Variants in PDZRN4 observed in about 807,000 individuals in gnomAD.
PDZRN4 encodes PDZ domain containing ring finger 4.
In PDZRN4, 70 loss-of-function variants were observed where a neutral mutation model predicts 99.0. The ratio of observed to expected loss-of-function variants is 0.71; its 90% CI spans 0.58 to 0.86. The LOEUF (loss-of-function observed/expected upper bound fraction) is 0.86, where lower values mean the gene tolerates loss of function less well. PDZRN4 is among the 40% of genes least tolerant of loss of function. The probability of loss-of-function intolerance (pLI) is 0.00; values close to 1 mark genes in which losing one functional copy is unlikely to be tolerated. For synonymous variants in PDZRN4, 551 were observed against 501.6 expected (o/e 1.10, Z -1.32); for missense variants, 1,474 against 1,331.2 (o/e 1.11, Z -1.67).
intron 3 of PDZRN4, among the ~76,000 whole-genome samples, chr12:41,230,942 T>C (rs1169316369): frequency 1.3e-5 from 2 of 152,114 alleles, no homozygotes; most frequent in African/African-American, 4.8e-5. Context: ...ATACTCTTTG[T>C]TTTGTCTCTG....
At chr12:41,569,340 G>A (rs546302262) in intron 9 of PDZRN4, among the ~76,000 whole-genome samples, 9 of 151,984 alleles carry the variant, frequency 5.9e-5, no homozygotes, top group Non-Finnish European at 5.9e-5. Context: ...GGCTGTTCTC[G>A]AACTCCTGAC....
chr12:41,270,737 G>A (rs1591992112), intron 3 of PDZRN4, among the ~76,000 whole-genome samples: 2 of 152,070 alleles, frequency 1.3e-5, no homozygotes. Context: ...TGGAAGAAAT[G>A]ATGCAGATTA....
rs966853783 is a variant in PDZRN4, at chr12:41,303,217, C to G, written c.843+109029C>G. ...TTTTTATAATGTTGTCAGTGTTGGC[C>G]AGTAAATCAGTAAAACCACCAGTCA... On this transcript the variant is annotated intron_variant, in intron 3 of 9. Coordinates refer to ENST00000402685, the MANE Select transcript of PDZRN4 (RefSeq NM_001164595.2). 2.6e-5 allele frequency among the ~76,000 whole-genome samples: 4 copies of G among 152,062 alleles called. No individual in the cohort carries two copies. In the South Asian group the frequency reaches 8.3e-4, roughly 32 times the overall value.
At chr12:41,190,573 T>G (rs1367602) in intron 1 of PDZRN4, among the ~76,000 whole-genome samples, 98,179 of 152,066 alleles carry the variant, frequency 0.65, 31,831 homozygotes, top group South Asian at 0.7. Context: ...CTTCTATGTG[T>G]TCCTCAGAAG....
At chr12:41,495,582 C>T (rs919148992) in intron 3 of PDZRN4, among the ~76,000 whole-genome samples, 2 of 152,092 alleles carry the variant, frequency 1.3e-5, no homozygotes, top group African/African-American at 4.8e-5. Flanking sequence ...CCACTAATTT[C>T]CTAAATGGTT....
intron 3 of PDZRN4, among the ~76,000 whole-genome samples, chr12:41,326,334 C>T (rs967159200): frequency 2.0e-5 from 3 of 152,284 alleles, no homozygotes; most frequent in African/African-American, 7.2e-5. Context: ...ACAACATACA[C>T]ACACAGTTTA....
intron 3 of PDZRN4, among the ~76,000 whole-genome samples, chr12:41,367,957 A>T (rs944998158): frequency 6.6e-6 from 1 of 152,092 alleles, no homozygotes; most frequent in Non-Finnish European, 1.5e-5. Flanking sequence ...GAACAGATGA[A>T]ACCCGTATGC....
At chr12:41,236,445 T>C (rs1413787758) in intron 3 of PDZRN4, among the ~76,000 whole-genome samples, 1 of 152,016 alleles carries the variant, frequency 6.6e-6, no homozygotes, top group African/African-American at 2.4e-5. Context: ...TAGGGCAAGA[T>C]TACAGAGAGC....
intron 3 of PDZRN4, among the ~76,000 whole-genome samples, chr12:41,324,425 A>G (rs1951697823): frequency 6.6e-6 from 1 of 152,106 alleles, no homozygotes; most frequent in South Asian, 2.1e-4. Context: ...AAACATTATG[A>G]AAGAGCAGAA....
intron 3 of PDZRN4, among the ~76,000 whole-genome samples, chr12:41,296,026 G>T (rs140325242): frequency 1.7e-3 from 258 of 152,136 alleles, no homozygotes; most frequent in African/African-American, 5.8e-3. Flanking sequence ...TAATTGAAAA[G>T]GATCTATGGT....
chr12:41,288,398 T>A (rs1951434549), intron 3 of PDZRN4, among the ~76,000 whole-genome samples: 1 of 152,082 alleles, frequency 6.6e-6, no homozygotes, highest in South Asian at 2.1e-4. Flanking sequence ...ATGTTTTGAG[T>A]GAGTGATATG....
At chr12:41,444,111 G>A (rs1189201294) in intron 3 of PDZRN4, among the ~76,000 whole-genome samples, 1 of 152,092 alleles carries the variant, frequency 6.6e-6, no homozygotes, top group Admixed American at 6.6e-5. Context: ...AATTGCATTA[G>A]AGTGTGTAAT....
intron 3 of PDZRN4, among the ~76,000 whole-genome samples, chr12:41,469,670 G>A (rs1043005477): frequency 5.3e-5 from 8 of 152,150 alleles, no homozygotes; most frequent in African/African-American, 7.2e-5. Context: ...GGTGGCTCAC[G>A]CCTGTAATCC....
chr12:41,227,116 T>C (rs866111320), intron 3 of PDZRN4, among the ~76,000 whole-genome samples: 1 of 152,148 alleles, frequency 6.6e-6, no homozygotes, highest in Non-Finnish European at 1.5e-5. Context: ...GTTATGCTAA[T>C]GTCAGATTAT....
intron 3 of PDZRN4, among the ~76,000 whole-genome samples, chr12:41,345,310 T>C (rs1951845502): frequency 6.6e-6 from 1 of 152,138 alleles, no homozygotes; most frequent in Non-Finnish European, 1.5e-5. Context: ...TTAGTTCTTA[T>C]AAATTCATGA....
At chr12:41,516,706 AG>A (rs1304813558) in intron 5 of PDZRN4, among the ~76,000 whole-genome samples, 1 of 151,864 alleles carries the variant, frequency 6.6e-6, no homozygotes, top group African/African-American at 2.4e-5. Context: ...CTGGTCTGTT[AG>A]GGTACCTATA....
chr12:41,290,825 C>G (rs1369827123), intron 3 of PDZRN4, among the ~76,000 whole-genome samples: 2 of 151,948 alleles, frequency 1.3e-5, no homozygotes, highest in African/African-American at 4.8e-5. Context: ...ATGAATACCC[C>G]CTTTAGAAGT....
At chr12:41,340,870 G>A (rs1004612885) in intron 3 of PDZRN4, among the ~76,000 whole-genome samples, 6 of 151,718 alleles carry the variant, frequency 4.0e-5, no homozygotes, top group Non-Finnish European at 5.9e-5. Flanking sequence ...AACTCATGAG[G>A]CCATATTACT....
At chr12:41,202,889 T>C (rs1332892387) in intron 3 of PDZRN4, among the ~76,000 whole-genome samples, 2 of 152,020 alleles carry the variant, frequency 1.3e-5, no homozygotes, top group South Asian at 2.1e-4. Flanking sequence ...AAATATATAA[T>C]GTTAAATGAA....
Sources: allele counts gnomAD v4.1 joint callset (sites outside exome capture counted in the v4.1 genomes callset), GRCh38; gene constraint gnomAD v4.1.1; transcripts MANE v1.5; gene names NCBI Gene and HGNC (gene_info 2026-07-23, HGNC 2026-07-21).